The following DPP9 variants were observed in gnomAD, a reference collection of about 807,000 sequenced individuals.
The protein encoded by DPP9 is dipeptidyl peptidase 9.
In DPP9, 50 loss-of-function variants were observed where a neutral mutation model predicts 110.7. The ratio of observed to expected loss-of-function variants is 0.45; its 90% CI spans 0.36 to 0.57. DPP9 has a LOEUF of 0.57. Ranked by LOEUF, DPP9 falls within the 20% of genes least tolerant of loss-of-function variation. The pLI, the probability that DPP9 is intolerant of heterozygous loss-of-function variation, is 0.00. For synonymous variants in DPP9, 561 were observed against 514.4 expected, an observed-to-expected ratio of 1.09 and a Z score of -1.23; for missense variants, 1,022 against 1,217.9, an observed-to-expected ratio of 0.84 and a Z score of 2.39.
At chr19:4,711,874 T>G (rs2092852382) in intron 4 of DPP9, among the ~76,000 whole-genome samples, 2 of 149,084 alleles carry the variant, frequency 1.3e-5, no homozygotes, top group African/African-American at 5.0e-5. Flanking sequence ...AGGCCAGAAG[T>G]TCCAACGTTG....
intron 4 of DPP9, among the ~76,000 whole-genome samples, chr19:4,709,656 G>C (rs575441993): frequency 6.6e-6 from 1 of 152,272 alleles, no homozygotes; most frequent in East Asian, 1.9e-4. Context: ...ATGGTTGATG[G>C]GGTTGCTTTT....
At chr19:4,709,295 A>G (rs554502763) in intron 4 of DPP9, among the ~76,000 whole-genome samples, 93 of 152,222 alleles carry the variant, frequency 6.1e-4, no homozygotes, top group African/African-American at 2.2e-3. Context: ...TTTCCCACGC[A>G]TGAGGAAGCG....
rs2088881601 is a variant in DPP9 at position 4,676,744 on chromosome 19, C to A, written c.2587-88G>T. 3 of 1,122,202 alleles carry A rather than the reference C, an allele frequency of 2.7e-6. No homozygotes were observed. Among genetic ancestry groups the A allele is most frequent in the East Asian group, 5.2e-5 (2 of 38,798 alleles). 69.5% of individuals were successfully genotyped at this position (1,122,202 alleles called of 1,614,324 possible). ...CTCCCTTATTCTGGCTCAGGGCATC[C>A]GGGAAGGCGCAGGTGCTCTGAGGCC... is the stretch of plus-strand genomic sequence containing the variant. On this transcript the variant is annotated intron_variant, in intron 21 of 21. Coordinates refer to ENST00000262960, the MANE Select transcript of DPP9 (RefSeq NM_139159.5). This position sits in a 1 kb window ranked among gnomAD's most constrained non-coding sequence, Gnocchi z 4.0.
At chr19:4,686,089 T>G (rs2090658732) in intron 16 of DPP9, 1 of 210,896 alleles carries the variant, frequency 4.7e-6, no homozygotes, top group Non-Finnish European at 9.5e-6. Flanking sequence ...CCAATTAGGA[T>G]GGTGGGGGTT....
chr19:4,723,668 G>A lies in DPP9; in HGVS notation c.-89+6C>T, dbSNP rs969687001. 10 of 157,468 alleles carry A rather than the reference G, an allele frequency of 6.4e-5. 1 individual carries two copies. In the South Asian group the frequency reaches 1.7e-3, roughly 26 times the overall value. 9.8% of individuals were successfully genotyped at this position (157,468 alleles called of 1,614,324 possible). On this transcript the variant is annotated splice_donor_region_variant and intron_variant, in intron 1 of 21. Transcript: ENST00000262960. Reference sequence around the variant, plus strand: ...GGGCGGGACGAGGCGCGCGGGCGCTGCTCACCGGGACGTGGGGCGGCGGCC... The same window carrying A: ...GGGCGGGACGAGGCGCGCGGGCGCTACTCACCGGGACGTGGGGCGGCGGCC...
In DPP9 at chr19:4,714,190, G is replaced by A. The variant is rs750194885; in HGVS notation, c.204C>T (p.His68=). The A allele has an allele frequency of 3.2e-5, 52 of 1,610,534 alleles. No individual in the cohort carries two copies. Among genetic ancestry groups the A allele is most frequent in the African/African-American group, 1.2e-4 (9 of 74,962 alleles). ...TGAGGCCCGAGTACTTGCGGCTGCC[G>A]TGGATGATGCTCCGGAGCCCGTCCC... ...HSWDGLRSII[H]GSRKYSGLIV... is the part of the protein sequence containing the mutation. Residue 68 remains histidine (H), a synonymous_variant, in exon 4 of 22, where the codon CAC becomes CAT. Coordinates refer to ENST00000262960, the MANE Select transcript of DPP9 (RefSeq NM_139159.5).
chr19:4,685,222 G>A lies in DPP9; in HGVS notation c.2031+404C>T, dbSNP rs539172471. 12 of 519,496 alleles carry A rather than the reference G, an allele frequency of 2.3e-5. No individual in the cohort carries two copies. The highest frequency in any genetic ancestry group is 1.1e-4 in the South Asian group (7 of 65,146). 32.2% of individuals were successfully genotyped at this position (519,496 alleles called of 1,614,324 possible). On this transcript the variant is annotated intron_variant, in intron 17 of 21. Coordinates refer to ENST00000262960, the MANE Select transcript of DPP9 (RefSeq NM_139159.5). This position sits in a 1 kb window ranked among gnomAD's most constrained non-coding sequence, Gnocchi z 5.8. Reference sequence around the variant, plus strand: ...GACATCGCCCCGTATCCTCTGTGGGGACAGAGCTGCTCTGGGTAAGATGTG... The same window carrying A: ...GACATCGCCCCGTATCCTCTGTGGGAACAGAGCTGCTCTGGGTAAGATGTG...
Position 4,695,480 on chromosome 19 carries a change from C to T in DPP9, c.1251G>A (p.Pro417=), listed in dbSNP as rs759728050. ...LVLLPPALFI[P]STENEEQRLA... ...GCCGCTGCTCCTCATTCTCTGTGCT[C>T]GGGATGAACAGGGCCGGGGGGAGGA... The change falls in exon 12 of 22, where the codon CCG becomes CCA. Residue 417 remains proline (P), a synonymous_variant. Transcript: ENST00000262960. The surrounding 1 kb of genome is among the most constrained non-coding windows in gnomAD (Gnocchi z 4.7). 6.3e-6 allele frequency: 10 copies of T among 1,575,642 alleles called. No individual in the cohort carries two copies. The highest frequency in any genetic ancestry group is 2.4e-5 in the East Asian group (1 of 42,306).
chr19:4,702,033 T>C lies in DPP9; in HGVS notation c.1006A>G (p.Arg336Gly). Reference protein sequence around the residue: ...ERKTDSYRYPRTGSKNPKIAL... With the variant: ...ERKTDSYRYPGTGSKNPKIAL... ...ACATGTACCGGGCACTCACCTGTCC[T>C]GGGGTACCGATACGAGTCCGTCTTC... is the stretch of plus-strand genomic sequence containing the variant. Residue 336 changes from arginine (R) to glycine (G), a missense_variant, in exon 9 of 22, where the codon AGG becomes GGG. Transcript: ENST00000262960. The C allele has an allele frequency of 2.5e-6, 4 of 1,613,624 alleles. No individual in the cohort carries two copies. Among genetic ancestry groups the C allele is most frequent in the African/African-American group, 1.3e-5 (1 of 75,052 alleles).
intron 4 of DPP9, among the ~76,000 whole-genome samples, chr19:4,712,967 C>T (rs1459369369): frequency 1.3e-5 from 2 of 152,208 alleles, no homozygotes; most frequent in Non-Finnish European, 2.9e-5. Context: ...GCTGAGGACA[C>T]CACCATGAGT....
rs1599876546 is a variant in DPP9, at chr19:4,685,890, G to T, written c.1886-119C>A. 1 of 1,232,548 alleles carries T rather than the reference G, an allele frequency of 8.1e-7. No homozygotes were observed. The highest frequency in any genetic ancestry group is 1.1e-6 in the Non-Finnish European group (1 of 900,886). The allele number at this position is 1,232,548 out of a possible 1,614,324, so 76.4% of individuals were successfully genotyped here. On this transcript the variant is annotated intron_variant, in intron 16 of 21. Coordinates refer to ENST00000262960, the MANE Select transcript of DPP9 (RefSeq NM_139159.5). This position sits in a 1 kb window ranked among gnomAD's most constrained non-coding sequence, Gnocchi z 5.8. ...ACCAAAGCACCCCCTCTTTTCCTGG[G>T]CTTCCCGAGAGTTGATAATTGAAAA...
chr19:4,699,128 C>T (rs1444262151), intron 10 of DPP9, among the ~76,000 whole-genome samples: 5 of 138,588 alleles, frequency 3.6e-5, no homozygotes, highest in African/African-American at 1.1e-4. Context: ...CACTGCACTC[C>T]AGCCTGGGCG....
intron 1 of DPP9, chr19:4,722,802 C>A: frequency 2.2e-6 from 1 of 453,112 alleles, no homozygotes; most frequent in Non-Finnish European, 3.9e-6. Flanking sequence ...GGTCCACACC[C>A]CCTGGGCTTT....
rs927564037 is a variant in DPP9, at chr19:4,676,936, T to A, written c.2587-280A>T. 6.6e-6 allele frequency among the ~76,000 whole-genome samples: 1 copy of A among 152,124 alleles called. No homozygotes were observed. The highest frequency in any genetic ancestry group is 2.4e-5 in the African/African-American group (1 of 41,414). ...CACGCGCTTGCACAGAGGAAAGATT[T>A]AGGAAGAAACCGTTTGCCTCTTTCC... On this transcript the variant is annotated intron_variant, in intron 21 of 21. Transcript: ENST00000262960. This position sits in a 1 kb window ranked among gnomAD's most constrained non-coding sequence, Gnocchi z 4.0.
In DPP9 at chr19:4,685,727, T is replaced by A; in HGVS notation, c.1930A>T (p.Thr644Ser). The A allele has an allele frequency of 1.2e-6, 2 of 1,613,258 alleles. No homozygotes were observed. Among genetic ancestry groups the A allele is most frequent in the Non-Finnish European group, 1.7e-6 (2 of 1,179,780 alleles). Residue 644 changes from threonine (T) to serine (S), a missense_variant, in exon 17 of 22, where the codon ACG (threonine) becomes TCG (serine). By Grantham distance (58) the Thr-to-Ser change is moderately conservative. This residue lies in a region of DPP9 where 810 missense variants were observed against 920.6 expected (regional missense o/e 0.88). Transcript: ENST00000262960. The surrounding 1 kb of genome is among the most constrained non-coding windows in gnomAD (Gnocchi z 5.8). Reference sequence around the variant, plus strand: ...CCGTAGAGCCGCACATCCGAGCGCGTGTGGAAATGGAAGATCTCTGGAGGA... The same window carrying A: ...CCGTAGAGCCGCACATCCGAGCGCGAGTGGAAATGGAAGATCTCTGGAGGA... The part of the protein sequence containing the change: ...YVPPEIFHFH[T>S]RSDVRLYGMI...
intron 2 of DPP9, 106 bp from the exon 3 acceptor site, chr19:4,720,047 A>C (rs1272258273): frequency 4.4e-5 from 38 of 858,692 alleles, no homozygotes; most frequent in Non-Finnish European, 6.6e-5. Context: ...GCAGCCCCCC[A>C]AGCCTCCGGG....
chr19:4,699,633 G>A (rs1006175909), intron 10 of DPP9, among the ~76,000 whole-genome samples: 6 of 152,078 alleles, frequency 3.9e-5, no homozygotes, highest in Non-Finnish European at 8.8e-5. Context: ...GCCTGATGGC[G>A]CCTCCAGGCT....
At chr19:4,723,437 A>T (rs1007398038) in intron 1 of DPP9, among the ~76,000 whole-genome samples, 7 of 151,956 alleles carry the variant, frequency 4.6e-5, no homozygotes, top group African/African-American at 1.7e-4. Context: ...AAGGGGAGAA[A>T]CTGGGAGGTG....
In DPP9 at chr19:4,687,655, A is replaced by C. The variant is rs989373775; in HGVS notation, c.1885+1102T>G. Among the ~76,000 whole-genome samples the C allele has an allele frequency of 6.6e-6, 1 of 152,060 alleles. No homozygotes were observed. The highest frequency in any genetic ancestry group is 6.6e-5 in the Admixed American group (1 of 15,260). On this transcript the variant is annotated intron_variant, in intron 16 of 21. Coordinates refer to ENST00000262960, the MANE Select transcript of DPP9 (RefSeq NM_139159.5). This position sits in a 1 kb window ranked among gnomAD's most constrained non-coding sequence, Gnocchi z 4.7. ...GCAGCCTCTGGGCACAGGACACCAT[A>C]AAGGGCCCTCTGCATGCCGCTGTGG... is the stretch of plus-strand genomic sequence containing the variant.
Sources: gnomAD v4.1 joint callset for allele counts (sites outside exome capture counted in the v4.1 genomes callset) on GRCh38, gnomAD v4.1.1 for gene constraint, gnomAD v4.1.1 regional missense constraint, Gnocchi (gnomAD v3.1) non-coding constraint, MANE v1.5 for transcripts, NCBI Gene and HGNC (gene_info 2026-07-23, HGNC 2026-07-21) for gene names.